FAT3: variants seen among roughly 807,000 people sequenced by gnomAD.
FAT3 encodes FAT atypical cadherin 3.
A neutral mutation model predicts 310.2 loss-of-function variants in FAT3; 95 were observed. The observed-to-expected ratio is 0.31, with a 90% CI of 0.26 to 0.36. The LOEUF (loss-of-function observed/expected upper bound fraction) is 0.36, where lower values mean the gene tolerates loss of function less well. FAT3 is among the 10% of genes least tolerant of loss of function. The probability of loss-of-function intolerance (pLI) is 1.00; values close to 1 mark genes in which losing one functional copy is unlikely to be tolerated. For missense variants in FAT3, 5,408 were observed against 5,715.6 expected, an observed-to-expected ratio of 0.95 and a Z score of 1.74; for synonymous variants, 2,314 against 2,192.9, an observed-to-expected ratio of 1.06 and a Z score of -1.54.
At position 92,468,660 on chromosome 11, in the gene FAT3, G is replaced by A. The variant is rs145137483; in HGVS notation, c.3293-55974G>A. ...GTTCAACATGGCTGGGGAGGCCTCA[G>A]GAAACTTACAGTCATGGTGGAAGAA... On this transcript the variant is annotated intron_variant, in intron 2 of 27. Coordinates refer to ENST00000525166, the MANE Select transcript of FAT3 (RefSeq NM_001367949.2). Among the ~76,000 whole-genome samples, 614 of 152,262 alleles carry A rather than the reference G, an allele frequency of 4.0e-3. 6 individuals are homozygous for A. Among genetic ancestry groups the A allele is most frequent in the African/African-American group, 0.014 (580 of 41,554 alleles).
chr11:92,550,939 T>G (rs761703884), intron 3 of FAT3, among the ~76,000 whole-genome samples: 19 of 151,982 alleles, frequency 1.3e-4, no homozygotes, highest in Non-Finnish European at 2.6e-4. Context: ...TAAATTTGAT[T>G]TGGAAGCCCT....
At chr11:92,775,505 A>G (rs1946576015) in intron 7 of FAT3, among the ~76,000 whole-genome samples, 3 of 152,188 alleles carry the variant, frequency 2.0e-5, no homozygotes, top group Non-Finnish European at 4.4e-5. Flanking sequence ...TACGGGAGCC[A>G]GTGTGAGACA....
intron 2 of FAT3, among the ~76,000 whole-genome samples, chr11:92,413,977 A>G (rs1950351961): frequency 2.0e-5 from 3 of 152,084 alleles, no homozygotes; most frequent in Admixed American, 2.0e-4. Context: ...AGGAGTTGCT[A>G]TAGAAACAGG....
chr11:92,840,458 C>A (rs992334150), intron 17 of FAT3, 104 bp from the exon 18 acceptor site: 2 of 1,119,594 alleles, frequency 1.8e-6, no homozygotes, highest in African/African-American at 3.1e-5. Flanking sequence ...TCAGCACTCT[C>A]AGCCTGAAAT....
chr11:92,613,398 T>G lies in FAT3; in HGVS notation c.3608-83986T>G, dbSNP rs532602331. ...GAGTTCAAAAGTAATTAAATATTTT[T>G]TTTAAAAAAAACTAAGTTTAAAAAT... On this transcript the variant is annotated intron_variant, in intron 3 of 27. Transcript: ENST00000525166. Among the ~76,000 whole-genome samples the G allele has an allele frequency of 5.4e-3, 548 of 101,224 alleles. 2 individuals carry two copies. Among genetic ancestry groups the G allele is most frequent in the African/African-American group, 0.03 (528 of 17,826 alleles). The allele number at this position is 101,224 out of a possible 152,430, so 66.4% of individuals were successfully genotyped here. A position where few individuals can be genotyped will look rare whatever the true frequency, so the allele number is the denominator to read the frequency against.
chr11:92,529,440 G>T (rs560378340), intron 3 of FAT3, among the ~76,000 whole-genome samples: 4 of 152,320 alleles, frequency 2.6e-5, no homozygotes, highest in Middle Eastern at 3.4e-3. Context: ...TAAATGTCAG[G>T]AAAGTGGTAA....
chr11:92,882,378 C>T (rs1048769479), intron 23 of FAT3, among the ~76,000 whole-genome samples: 2 of 152,224 alleles, frequency 1.3e-5, no homozygotes, highest in East Asian at 1.9e-4. Flanking sequence ...CATCTGCTCC[C>T]GCGGATTTGG....
At chr11:92,461,328 A>G (rs182806904) in intron 2 of FAT3, among the ~76,000 whole-genome samples, 1 of 152,308 alleles carries the variant, frequency 6.6e-6, no homozygotes, top group Non-Finnish European at 1.5e-5. Flanking sequence ...CAACTGAATC[A>G]GGCATAGCCT....
At chr11:92,504,018 A>C (rs535617595) in intron 2 of FAT3, among the ~76,000 whole-genome samples, 1 of 152,266 alleles carries the variant, frequency 6.6e-6, no homozygotes, top group Admixed American at 6.5e-5. Flanking sequence ...ATTCAAAGAG[A>C]TACATTGTTC....
chr11:92,524,702 A>G lies in FAT3; in HGVS notation c.3361A>G (p.Thr1121Ala), dbSNP rs1429969127. ...MGSYWLTVYATDRGVVPLYST... is the reference protein window; with the variant it reads ...MGSYWLTVYAADRGVVPLYST... ...GTCATACTGGCTAACAGTGTATGCC[A>G]CAGACAGGGGCGTTGTTCCACTCTA... Residue 1121 changes from threonine (T) to alanine (A), a missense_variant, in exon 3 of 28, where the codon ACA (threonine) becomes GCA (alanine). By Grantham distance (58) the Thr-to-Ala change is moderately conservative. Around this residue, in one of 5 missense-constraint regions of FAT3, gnomAD observed 4,588 missense variants for 4,809.8 expected, o/e 0.95. Coordinates refer to ENST00000525166, the MANE Select transcript of FAT3 (RefSeq NM_001367949.2). 1.2e-6 allele frequency: 2 copies of G among 1,613,778 alleles called. No homozygotes were observed. The highest frequency in any genetic ancestry group is 1.3e-5 in the African/African-American group (1 of 74,924).
intron 3 of FAT3, among the ~76,000 whole-genome samples, chr11:92,675,617 C>T (rs1420513051): frequency 6.6e-6 from 1 of 152,096 alleles, no homozygotes; most frequent in Non-Finnish European, 1.5e-5. Context: ...CTAAGCAAAC[C>T]ATTGCTGCTG....
Position 92,628,187 on chromosome 11 carries a change from A to G in FAT3, c.3608-69197A>G, listed in dbSNP as rs34369676. Among the ~76,000 whole-genome samples the G allele has an allele frequency of 7.3e-3, 1,115 of 152,336 alleles. 7 individuals carry two copies. The highest frequency in any genetic ancestry group is 0.027 in the Middle Eastern group (8 of 294). ...CACATGTGCACTGACCCTTTGGTATATTTAGCAAATAGTTCCTGAAATCAT... is the reference window on the plus strand; with the variant it reads ...CACATGTGCACTGACCCTTTGGTATGTTTAGCAAATAGTTCCTGAAATCAT... On this transcript the variant is annotated intron_variant, in intron 3 of 27. Transcript: ENST00000525166.
intron 3 of FAT3, among the ~76,000 whole-genome samples, chr11:92,630,714 T>TCTGTGTCTCAG (rs1941526668): frequency 6.6e-6 from 1 of 152,230 alleles, no homozygotes; most frequent in African/African-American, 2.4e-5. Context: ...TGTTTTCTCC[T>TCTGTGTCTCAG]CTGTGTCTCA....
chr11:92,841,599 A>T (rs188201843), intron 18 of FAT3, among the ~76,000 whole-genome samples: 106 of 152,312 alleles, frequency 7.0e-4, no homozygotes, highest in African/African-American at 2.5e-3. Flanking sequence ...AATATTGTGT[A>T]AATAATTTTA....
At chr11:92,315,069 T>C (rs1465196110) in intron 1 of FAT3, among the ~76,000 whole-genome samples, 1 of 151,608 alleles carries the variant, frequency 6.6e-6, no homozygotes, top group Non-Finnish European at 1.5e-5. Flanking sequence ...AGAGGAAACA[T>C]AAGAAACATT....
intron 3 of FAT3, among the ~76,000 whole-genome samples, chr11:92,606,586 G>T (rs770183422): frequency 2.0e-5 from 3 of 152,168 alleles, no homozygotes; most frequent in African/African-American, 4.8e-5. Context: ...ACTCTCATTT[G>T]TTGAGTGCTG....
chr11:92,473,034 CT>C (rs1951950751), intron 2 of FAT3, among the ~76,000 whole-genome samples: 1 of 152,152 alleles, frequency 6.6e-6, no homozygotes. Context: ...ATCCTTTAAG[CT>C]TTAGCTTAAA....
chr11:92,608,516 TTTC>T (rs1317221014), intron 3 of FAT3, among the ~76,000 whole-genome samples: 1 of 152,058 alleles, frequency 6.6e-6, no homozygotes, highest in Non-Finnish European at 1.5e-5. Flanking sequence ...TTTCTGCTTG[TTTC>T]TTCTTCTTGC....
At chr11:92,773,998 A>G (rs1352120182) in intron 6 of FAT3, 43 bp from the exon 7 acceptor site, 1 of 1,606,678 alleles carries the variant, frequency 6.2e-7, no homozygotes, top group Admixed American at 1.7e-5. Flanking sequence ...GCATGTAACA[A>G]GTTATCAGAT....
Sources: allele counts gnomAD v4.1 joint callset (sites outside exome capture counted in the v4.1 genomes callset), GRCh38; gene constraint gnomAD v4.1.1; regional missense constraint gnomAD v4.1.1; transcripts MANE v1.5; gene names NCBI Gene and HGNC (gene_info 2026-07-23, HGNC 2026-07-21).